The following NRG1 variants were observed in gnomAD, a reference collection of about 807,000 sequenced individuals.
NRG1 encodes the protein neuregulin 1.
Under a neutral mutation model 63.8 loss-of-function variants are expected in NRG1, and 18 were observed. That is an observed-to-expected ratio of 0.28 (90% CI 0.19 to 0.42). The LOEUF is 0.42. NRG1 is among the 10% of genes least tolerant of loss of function. The probability of loss-of-function intolerance (pLI) is 1.00; values close to 1 mark genes in which losing one functional copy is unlikely to be tolerated. For synonymous variants in NRG1, 302 were observed against 301.3 expected, an observed-to-expected ratio of 1.00 and a Z score of -0.02; for missense variants, 762 against 814.7, an observed-to-expected ratio of 0.94 and a Z score of 0.79.
intron 1 of NRG1, among the ~76,000 whole-genome samples, chr8:32,092,780 G>A (rs1052511164): frequency 6.6e-6 from 1 of 152,126 alleles, no homozygotes; most frequent in African/African-American, 2.4e-5. Context: ...AGATAAAGAA[G>A]TTCCAATGCC....
chr8:32,009,211 C>A (rs555532767), intron 1 of NRG1, among the ~76,000 whole-genome samples: 1 of 152,164 alleles, frequency 6.6e-6, no homozygotes, highest in East Asian at 1.9e-4. Context: ...TTGATAGGAA[C>A]CACAGTAAGT....
intron 1 of NRG1, among the ~76,000 whole-genome samples, chr8:31,802,880 A>G (rs1821924198): frequency 6.6e-6 from 1 of 152,210 alleles, no homozygotes; most frequent in Admixed American, 6.5e-5. Flanking sequence ...TCTGCTTTTC[A>G]TATTCAGATT....
At chr8:32,441,379 A>C (rs1167523258) in intron 1 of NRG1, 1 of 152,122 alleles carries the variant, frequency 6.6e-6, no homozygotes, top group Non-Finnish European at 1.5e-5. Context: ...GGAACGTGCT[A>C]GCCTTCCTGT....
intron 1 of NRG1, among the ~76,000 whole-genome samples, chr8:32,449,456 C>T (rs1051959412): frequency 1.3e-5 from 2 of 151,530 alleles, no homozygotes; most frequent in African/African-American, 4.8e-5. Flanking sequence ...AAACTTAACT[C>T]CAAAATTGCT....
At chr8:32,161,027 C>A (rs74342261) in intron 1 of NRG1, among the ~76,000 whole-genome samples, 11,260 of 152,182 alleles carry the variant, frequency 0.074, 827 homozygotes, top group African/African-American at 0.19. Flanking sequence ...TAAGGTGATG[C>A]TCACTTTACA....
chr8:31,969,556 C>G (rs990243152), intron 1 of NRG1, among the ~76,000 whole-genome samples: 1 of 152,126 alleles, frequency 6.6e-6, no homozygotes, highest in Non-Finnish European at 1.5e-5. Flanking sequence ...TCTTGCCTTC[C>G]TCTGCAGTGA....
chr8:32,202,492 G>GT (rs1397483418), intron 1 of NRG1, among the ~76,000 whole-genome samples: 1 of 152,140 alleles, frequency 6.6e-6, no homozygotes, highest in Non-Finnish European at 1.5e-5. Flanking sequence ...TGGCTTAAGT[G>GT]TTAAACAGCT....
At chr8:31,788,318 T>G (rs1434213791) in intron 1 of NRG1, among the ~76,000 whole-genome samples, 1 of 152,222 alleles carries the variant, frequency 6.6e-6, no homozygotes, top group East Asian at 1.9e-4. Flanking sequence ...AATGCTCTTT[T>G]AAATTAATTT....
At chr8:31,639,851 A>G in intron 1 of NRG1, 1 of 1,123,216 alleles carries the variant, frequency 8.9e-7, no homozygotes, top group Non-Finnish European at 1.1e-6. Flanking sequence ...TGCACCCCCA[A>G]TAAATAAATA....
intron 1 of NRG1, among the ~76,000 whole-genome samples, chr8:32,319,214 G>T (rs1376381067): frequency 1.3e-5 from 2 of 152,156 alleles, no homozygotes; most frequent in East Asian, 3.9e-4. Context: ...GGAAAGAAAG[G>T]TCTGGGAGGT....
chr8:32,173,106 A>G (rs1840265453), intron 1 of NRG1, among the ~76,000 whole-genome samples: 1 of 152,208 alleles, frequency 6.6e-6, no homozygotes, highest in Non-Finnish European at 1.5e-5. Context: ...CAGGTTACCC[A>G]CAAAGGGAAG....
intron 1 of NRG1, among the ~76,000 whole-genome samples, chr8:32,348,045 G>A (rs1805138091): frequency 6.6e-6 from 1 of 152,168 alleles, no homozygotes; most frequent in Admixed American, 6.5e-5. Flanking sequence ...ATTGTTGAGT[G>A]TCCAAGATGC....
rs745897902 is a variant in NRG1 at position 32,763,782 on chromosome 8, T to A, written c.1294T>A (p.Ser432Thr). 5 of 1,573,354 alleles carry A rather than the reference T, an allele frequency of 3.2e-6. No individual in the cohort carries two copies. In the Admixed American group the frequency reaches 5.4e-5, roughly 17 times the overall value. The change falls in exon 12 of 12, where the codon TCA (serine) becomes ACA (threonine). Residue 432 changes from serine to threonine, a missense_variant. Transcript: ENST00000356819. Reference sequence around the variant, plus strand: ...AGCCATGACCACCCCGGCTCGTATGTCACCTGTAGATTTCCACACGCCAAG... The same window carrying A: ...AGCCATGACCACCCCGGCTCGTATGACACCTGTAGATTTCCACACGCCAAG...
chr8:32,240,495 C>G lies in NRG1; in HGVS notation c.38-355333C>G, dbSNP rs111583255. On this transcript the variant is annotated intron_variant, in intron 1 of 10. Coordinates refer to the NRG1 transcript ENST00000519301. ...TCTGTATCCTCATTGCTGGTGTTCA[C>G]GTGAATCTACATATGTGATAACATT... Among the ~76,000 whole-genome samples the G allele has an allele frequency of 1.8e-4, 27 of 152,162 alleles. 1 individual carries two copies. Among genetic ancestry groups the G allele is most frequent in the African/African-American group, 5.5e-4 (23 of 41,528 alleles).
chr8:32,212,262 A>G (rs10089285), intron 1 of NRG1, among the ~76,000 whole-genome samples: 3,264 of 152,330 alleles, frequency 0.021, 125 homozygotes, highest in African/African-American at 0.075. Flanking sequence ...TGGAAATTAA[A>G]TAATACACAT....
intron 1 of NRG1, among the ~76,000 whole-genome samples, chr8:31,916,649 G>C (rs560748594): frequency 3.2e-4 from 48 of 152,248 alleles, no homozygotes; most frequent in African/African-American, 9.4e-4. Context: ...ATTGTGAATA[G>C]TGCTGCAATA....
chr8:32,773,347 A>G (rs1381295715), intron 7 of NRG1, among the ~76,000 whole-genome samples: 1 of 151,906 alleles, frequency 6.6e-6, no homozygotes, highest in African/African-American at 2.4e-5. Flanking sequence ...AGGACTGTGA[A>G]GGGAAGGAAC....
rs138279320 is a variant in NRG1 at position 32,246,974 on chromosome 8, C to T, written c.38-348854C>T. On this transcript the variant is annotated intron_variant, in intron 1 of 10. Coordinates refer to the NRG1 transcript ENST00000519301. ...AGAGTAAATTTCAAATGTTCTCACA[C>T]AACAAAATGACTAGTATTTGAAGTG... Among the ~76,000 whole-genome samples the T allele has an allele frequency of 8.2e-4, 124 of 152,076 alleles. 3 individuals are homozygous for T. In the East Asian group the frequency reaches 0.022, roughly 27 times the overall value.
intron 1 of NRG1, among the ~76,000 whole-genome samples, chr8:32,219,441 A>G (rs1344539826): frequency 1.3e-5 from 2 of 152,170 alleles, no homozygotes; most frequent in African/African-American, 4.8e-5. Context: ...TACATGCCCT[A>G]TTACTAAAAT....
Sources: gnomAD v4.1 joint callset for allele counts (sites outside exome capture counted in the v4.1 genomes callset) on GRCh38, gnomAD v4.1.1 for gene constraint, MANE v1.5 for transcripts, NCBI Gene and HGNC (gene_info 2026-07-23, HGNC 2026-07-21) for gene names.